Variants in LRRK1 observed in about 807,000 individuals in gnomAD.
LRRK1 encodes the protein leucine rich repeat kinase 1.
In LRRK1, 113 loss-of-function variants were observed where a neutral mutation model predicts 209.1. The ratio of observed to expected loss-of-function variants is 0.54; its 90% CI spans 0.46 to 0.63. The LOEUF (loss-of-function observed/expected upper bound fraction) is 0.63. Among genes scored for constraint, LRRK1 ranks in the 30% least tolerant of loss-of-function variants. The pLI, the probability that LRRK1 is intolerant of heterozygous loss-of-function variation, is 0.00. For synonymous variants in LRRK1, 1,144 were observed against 1,099.7 expected (o/e 1.04, Z -0.80); for missense variants, 2,284 against 2,632.2 (o/e 0.87, Z 2.89).
At chr15:100,994,561 A>G (rs1000317285) in intron 6 of LRRK1, among the ~76,000 whole-genome samples, 6 of 152,224 alleles carry the variant, frequency 3.9e-5, no homozygotes, top group Non-Finnish European at 8.8e-5. Flanking sequence ...CAAGGTTGGC[A>G]TAGAGCATGG....
chr15:101,015,578 T>A (rs1049618153), intron 12 of LRRK1, among the ~76,000 whole-genome samples, 176 bp downstream of exon 12: 3 of 152,202 alleles, frequency 2.0e-5, no homozygotes, highest in Non-Finnish European at 4.4e-5. Context: ...GCCCATTCTT[T>A]CTGTCCCACG....
chr15:101,055,883 T>G (rs1399020738), intron 27 of LRRK1, among the ~76,000 whole-genome samples: 1 of 152,230 alleles, frequency 6.6e-6, no homozygotes, highest in East Asian at 1.9e-4. Flanking sequence ...AGCATTAAAA[T>G]TCCCTTGTCT....
intron 6 of LRRK1, among the ~76,000 whole-genome samples, chr15:100,990,891 A>C (rs893807812): frequency 6.6e-6 from 1 of 152,214 alleles, no homozygotes. Flanking sequence ...TTATACAAGA[A>C]GGCCACTTTC....
intron 2 of LRRK1, among the ~76,000 whole-genome samples, chr15:100,960,796 A>C (rs2029892021): frequency 6.6e-6 from 1 of 152,224 alleles, no homozygotes; most frequent in Non-Finnish European, 1.5e-5. Context: ...GAGGAACAAA[A>C]TCTAGGAAAG....
rs990565815 is a variant in LRRK1 at position 101,022,793 on chromosome 15, A to T, written c.2067+196A>T. Among the ~76,000 whole-genome samples the T allele has an allele frequency of 1.3e-5, 2 of 151,380 alleles. No homozygotes were observed. Among genetic ancestry groups the T allele is most frequent in the South Asian group, 2.1e-4 (1 of 4,788 alleles). On this transcript the variant is annotated intron_variant, in intron 15 of 33. Coordinates refer to ENST00000388948, the MANE Select transcript of LRRK1 (RefSeq NM_024652.6). This position sits in a 1 kb window ranked among gnomAD's most constrained non-coding sequence, Gnocchi z 4.0. ...AATCATTTCTTAATGTGACTTTGTG[A>T]TGTTTTCTTTTTCTTTACTTTTCTT...
intron 2 of LRRK1, among the ~76,000 whole-genome samples, chr15:100,972,339 A>C (rs1184500315): frequency 1.0e-5 from 1 of 97,586 alleles, no homozygotes; most frequent in African/African-American, 3.7e-5. Flanking sequence ...TATATATGAG[A>C]GAGAGAGAGA....
intron 2 of LRRK1, among the ~76,000 whole-genome samples, chr15:100,962,823 A>ATATATATATATATTTTTTT: frequency 8.7e-5 from 1 of 11,546 alleles, no homozygotes. Context: ...ATATATATAT[A>ATATATATATATATTTTTTT]TTTTTTTTTT....
rs993198990 is a variant in LRRK1 at position 100,976,975 on chromosome 15, C to T, written c.261+3008C>T. ...GGAATATGGAGGTTGTTTACTTTGC[C>T]CTCTTCTTCTCACTAAGTGCACTGA... On this transcript the variant is annotated intron_variant, in intron 3 of 33. Coordinates refer to ENST00000388948, the MANE Select transcript of LRRK1 (RefSeq NM_024652.6). Among the ~76,000 whole-genome samples the T allele has an allele frequency of 2.0e-5, 3 of 152,238 alleles. No homozygotes were observed. The East Asian group carries it at 5.8e-4, about 29-fold the overall frequency.
chr15:100,977,104 G>A (rs1361983660), intron 3 of LRRK1, among the ~76,000 whole-genome samples: 1 of 150,800 alleles, frequency 6.6e-6, no homozygotes, highest in Non-Finnish European at 1.5e-5. Context: ...ACAATAGTAC[G>A]TTTTTGGGTT....
chr15:101,040,980 A>G (rs892694894), intron 20 of LRRK1, among the ~76,000 whole-genome samples: 6 of 152,198 alleles, frequency 3.9e-5, no homozygotes, highest in Admixed American at 1.3e-4. Context: ...TACTCATTCT[A>G]TCAATTACTA....
chr15:100,998,803 CATGG>C (rs919723380), intron 6 of LRRK1, among the ~76,000 whole-genome samples: 1 of 146,870 alleles, frequency 6.8e-6, no homozygotes, highest in African/African-American at 2.6e-5. Flanking sequence ...TACATGGTTG[CATGG>C]ATGGATGGAT....
intron 33 of LRRK1, 47 bp downstream of exon 33, chr15:101,066,788 C>A (rs2141165810): frequency 6.9e-7 from 1 of 1,456,180 alleles, no homozygotes; most frequent in African/African-American, 1.4e-5. Context: ...GCAGCATGAG[C>A]ACAGAAGGCC....
chr15:101,059,605 A>AC (rs1386050052), intron 29 of LRRK1, among the ~76,000 whole-genome samples: 1,662 of 151,326 alleles, frequency 0.011, 25 homozygotes, highest in African/African-American at 0.038. Flanking sequence ...GTTGCTGGAA[A>AC]CATGAGCTAA....
Position 101,053,211 on chromosome 15 carries a change from T to G in LRRK1, c.3857-12T>G. ...CATGTCCTACTGGCTGACACTGCGC[T>G]GTCCCTGGCAGACACCATGCTGAGG... On this transcript the variant is annotated splice_polypyrimidine_tract_variant and intron_variant, in intron 25 of 33. Coordinates refer to ENST00000388948, the MANE Select transcript of LRRK1 (RefSeq NM_024652.6). 1 of 1,603,802 alleles carries G rather than the reference T, an allele frequency of 6.2e-7. No homozygotes were observed. Among genetic ancestry groups the G allele is most frequent in the African/African-American group, 1.3e-5 (1 of 75,062 alleles).
intron 12 of LRRK1, among the ~76,000 whole-genome samples, chr15:101,020,077 TC>T (rs2033708300): frequency 6.6e-6 from 1 of 152,234 alleles, no homozygotes; most frequent in Non-Finnish European, 1.5e-5. Context: ...TAGCTTTTTT[TC>T]ATGGAAAAAG....
At position 100,919,693 on chromosome 15, in the gene LRRK1, G is replaced by T. The variant is rs570901389; in HGVS notation, c.-123+242G>T. Among the ~76,000 whole-genome samples, 2 of 151,996 alleles carry T rather than the reference G, an allele frequency of 1.3e-5. No homozygotes were observed. Among genetic ancestry groups the T allele is most frequent in the African/African-American group, 2.4e-5 (1 of 41,514 alleles). On this transcript the variant is annotated intron_variant, in intron 1 of 33. Coordinates refer to ENST00000388948, the MANE Select transcript of LRRK1 (RefSeq NM_024652.6). The surrounding 1 kb of genome is among the most constrained non-coding windows in gnomAD (Gnocchi z 5.8). ...TCACGTCCCCGCTGCCTCCCGCCGC[G>T]CCCGGAGCCCAGCCAGCCTGTGGGA...
chr15:100,987,217 C>T (rs1192865688), intron 4 of LRRK1, among the ~76,000 whole-genome samples: 2 of 152,138 alleles, frequency 1.3e-5, no homozygotes, highest in African/African-American at 2.4e-5. Flanking sequence ...ATCCTGACCC[C>T]GGTTTCCTGA....
intron 13 of LRRK1, 25 bp downstream of exon 13, chr15:101,021,207 T>C (rs775070351): frequency 1.2e-6 from 2 of 1,612,686 alleles, no homozygotes; most frequent in South Asian, 2.2e-5. Flanking sequence ...GGAGGGGCCG[T>C]GCTGGCTCTG....
intron 17 of LRRK1, 64 bp downstream of exon 17, chr15:101,026,201 G>A: frequency 6.5e-7 from 1 of 1,527,248 alleles, no homozygotes; most frequent in Non-Finnish European, 9.0e-7. Flanking sequence ...TCTTTCCTGG[G>A]ATCAGCTTGC....
Sources: gnomAD v4.1 joint callset for allele counts (sites outside exome capture counted in the v4.1 genomes callset) on GRCh38, gnomAD v4.1.1 for gene constraint, Gnocchi (gnomAD v3.1) non-coding constraint, MANE v1.5 for transcripts, NCBI Gene and HGNC (gene_info 2026-07-23, HGNC 2026-07-21) for gene names.